Variants in B3GALT1 observed in about 807,000 individuals in gnomAD.
The protein encoded by B3GALT1 is UDP-Gal:betaGlcNAc beta 1,3-galactosyltransferase, polypeptide 1.
B3GALT1 carries 10 observed loss-of-function variants against 23.2 expected under a neutral mutation model. The observed-to-expected ratio is 0.43, with a 90% confidence interval of 0.27 to 0.73. The LOEUF is 0.73. Among genes scored for constraint, B3GALT1 ranks in the 30% least tolerant of loss-of-function variants. The pLI, the probability that B3GALT1 is intolerant of heterozygous loss-of-function variation, is 0.21. For synonymous variants in B3GALT1, 156 were observed against 141.5 expected (o/e 1.10, Z -0.73); for missense variants, 299 against 405.4 (o/e 0.74, Z 2.25).
intron 3 of B3GALT1, among the ~76,000 whole-genome samples, chr2:167,692,232 A>G (rs1294428850): frequency 1.3e-5 from 2 of 152,128 alleles, no homozygotes; most frequent in African/African-American, 4.8e-5. Context: ...AACATCATAT[A>G]ATCCAAAATT....
intron 2 of B3GALT1, among the ~76,000 whole-genome samples, chr2:167,621,547 G>C (rs944928648): frequency 2.0e-5 from 3 of 152,038 alleles, no homozygotes; most frequent in African/African-American, 4.8e-5. Flanking sequence ...TTAAGCAATT[G>C]AGGGAAAACG....
At chr2:167,515,313 A>C (rs1700083173) in intron 2 of B3GALT1, among the ~76,000 whole-genome samples, 1 of 152,182 alleles carries the variant, frequency 6.6e-6, no homozygotes, top group Non-Finnish European at 1.5e-5. Flanking sequence ...TGTTATTATT[A>C]CATTCACTAT....
At chr2:167,400,198 G>GTGTGTGTC (rs1553517171) in intron 1 of B3GALT1, among the ~76,000 whole-genome samples, 1 of 150,990 alleles carries the variant, frequency 6.6e-6, no homozygotes, top group Non-Finnish European at 1.5e-5. Flanking sequence ...GTGTGTCTGT[G>GTGTGTGTC]TGTGTGTATG....
At chr2:167,697,247 TAG>T (rs1686803032) in intron 3 of B3GALT1, among the ~76,000 whole-genome samples, 1 of 152,166 alleles carries the variant, frequency 6.6e-6, no homozygotes, top group African/African-American at 2.4e-5. Flanking sequence ...TGCTCATGAT[TAG>T]AGGATTGGTT....
intron 2 of B3GALT1, among the ~76,000 whole-genome samples, chr2:167,504,654 A>AG (rs1699895036): frequency 7.1e-6 from 1 of 141,430 alleles, no homozygotes; most frequent in African/African-American, 2.6e-5. Flanking sequence ...ACTGCATGAC[A>AG]GTTTGGTCTT....
chr2:167,748,973 A>G, intron 3 of B3GALT1, among the ~76,000 whole-genome samples: 1 of 152,156 alleles, frequency 6.6e-6, no homozygotes, highest in Non-Finnish European at 1.5e-5. Context: ...ATTCAAGTAG[A>G]AGTAGTTGGT....
chr2:167,686,404 C>A (rs1475112767), intron 3 of B3GALT1, among the ~76,000 whole-genome samples: 1 of 152,094 alleles, frequency 6.6e-6, no homozygotes, highest in Non-Finnish European at 1.5e-5. Context: ...AATGCTTATT[C>A]ATTCACGTGT....
chr2:167,433,294 A>G (rs368600402), intron 1 of B3GALT1, among the ~76,000 whole-genome samples: 21 of 152,266 alleles, frequency 1.4e-4, no homozygotes, highest in African/African-American at 4.3e-4. Context: ...CTGAGTGATA[A>G]TTCCATTGTC....
At position 167,427,788 on chromosome 2, in the gene B3GALT1, T is replaced by C. The variant is rs75300347; in HGVS notation, c.-510-62389T>C. 4.8e-3 allele frequency among the ~76,000 whole-genome samples: 724 copies of C among 152,250 alleles called. 6 individuals are homozygous for C. Among genetic ancestry groups the C allele is most frequent in the East Asian group, 0.018 (94 of 5,166 alleles). On this transcript the variant is annotated intron_variant, in intron 1 of 4. Transcript: ENST00000392690. ...GACTCAAGCAATCCTCCAATCTCAG[T>C]CTCCCACTGGCCATTATTTGGTTTC...
chr2:167,701,971 G>T (rs979330999), intron 3 of B3GALT1, among the ~76,000 whole-genome samples: 2 of 152,152 alleles, frequency 1.3e-5, no homozygotes, highest in African/African-American at 4.8e-5. Flanking sequence ...TGGCGTGTCA[G>T]CTACCGCCCT....
At chr2:167,431,330 A>C (rs1201175185) in intron 1 of B3GALT1, among the ~76,000 whole-genome samples, 1 of 152,244 alleles carries the variant, frequency 6.6e-6, no homozygotes, top group Non-Finnish European at 1.5e-5. Context: ...AACCATTACG[A>C]ATCACTGACC....
At chr2:167,597,490 G>A (rs1202116670) in intron 2 of B3GALT1, among the ~76,000 whole-genome samples, 2 of 152,194 alleles carry the variant, frequency 1.3e-5, no homozygotes, top group African/African-American at 2.4e-5. Context: ...ACCATTCAGG[G>A]GCAGAATGTG....
At chr2:167,421,338 G>T (rs546583363) in intron 1 of B3GALT1, among the ~76,000 whole-genome samples, 20 of 152,172 alleles carry the variant, frequency 1.3e-4, no homozygotes, top group Non-Finnish European at 2.8e-4. Flanking sequence ...AGTTGTATTG[G>T]ACAAGTGGTT....
rs1459264038 is a variant in B3GALT1 at position 167,869,564 on chromosome 2, AACAG to A, written c.530_533del (p.Asp177AlafsTer5). 3 of 1,614,140 alleles carry A rather than the reference AACAG, an allele frequency of 1.9e-6. No individual in the cohort carries two copies. Among genetic ancestry groups the A allele is most frequent in the Non-Finnish European group, 2.5e-6 (3 of 1,180,024 alleles). ...GTTCAAAAGCCAAGTATGTCATGAA[AACAG>A]ACAGCGACATTTTTGTAAACATGGA... On this transcript the variant is annotated frameshift_variant, in exon 5 of 5. Transcript: ENST00000392690. LOFTEE classifies it high-confidence loss of function. The surrounding 1 kb of genome is among the most constrained non-coding windows in gnomAD (Gnocchi z 6.4).
intron 2 of B3GALT1, among the ~76,000 whole-genome samples, chr2:167,529,924 G>T (rs367977267): frequency 6.6e-6 from 1 of 152,004 alleles, no homozygotes; most frequent in Non-Finnish European, 1.5e-5. Flanking sequence ...TCATAACTCA[G>T]ATTATGTCAC....
In B3GALT1 at chr2:167,532,720, GT is replaced by G. The variant is rs200560676; in HGVS notation, c.-410+42451del. On this transcript the variant is annotated intron_variant, in intron 2 of 4. Transcript: ENST00000392690. ...AAACAATGCAACATTTCATTTTTAG[GT>G]TTTTTTTAATTGCTAGTAAATAAAA... 5.9e-3 allele frequency among the ~76,000 whole-genome samples: 886 copies of G among 151,328 alleles called. 10 individuals are homozygous for G. The highest frequency in any genetic ancestry group is 0.021 in the African/African-American group (851 of 41,258).
intron 1 of B3GALT1, among the ~76,000 whole-genome samples, chr2:167,294,601 T>C (rs1194077573): frequency 1.3e-5 from 2 of 152,198 alleles, no homozygotes; most frequent in African/African-American, 4.8e-5. Context: ...TGGGAGTATC[T>C]GCTTAGGAAA....
intron 2 of B3GALT1, among the ~76,000 whole-genome samples, chr2:167,581,908 T>C (rs7606712): frequency 0.11 from 16,872 of 152,208 alleles, 2,744 homozygotes; most frequent in African/African-American, 0.36. Context: ...TCTGTTTATT[T>C]TGTTAAGAAC....
At chr2:167,835,124 T>A (rs1194685952) in intron 4 of B3GALT1, among the ~76,000 whole-genome samples, 2 of 152,160 alleles carry the variant, frequency 1.3e-5, no homozygotes, top group African/African-American at 2.4e-5. Flanking sequence ...GGGTGATTTC[T>A]GCATTTCCAT....
Sources: allele counts gnomAD v4.1 joint callset (sites outside exome capture counted in the v4.1 genomes callset), GRCh38; gene constraint gnomAD v4.1.1; non-coding constraint Gnocchi (gnomAD v3.1); transcripts MANE v1.5; gene names NCBI Gene and HGNC (gene_info 2026-07-23, HGNC 2026-07-21).